The following TCF4 variants were observed in gnomAD, a reference collection of about 807,000 sequenced individuals.
The protein encoded by TCF4 is transcription factor 4.
In TCF4, 3 loss-of-function variants were observed where a neutral mutation model predicts 82.1. The observed-to-expected ratio is 0.04, with a 90% confidence interval of 0.02 to 0.09. The LOEUF is 0.09. Ranked by LOEUF, TCF4 falls within the 10% of genes least tolerant of loss-of-function variation. The probability of loss-of-function intolerance (pLI) is 1.00; values close to 1 mark genes in which losing one functional copy is unlikely to be tolerated. For synonymous variants in TCF4, 276 were observed against 309.6 expected (o/e 0.89, Z 1.14); for missense variants, 518 against 852.7 (o/e 0.61, Z 4.89).
At chr18:55,382,605 T>C (rs2092091497) in intron 6 of TCF4, among the ~76,000 whole-genome samples, 1 of 152,190 alleles carries the variant, frequency 6.6e-6, no homozygotes, top group Non-Finnish European at 1.5e-5. Flanking sequence ...AGGTGAGTCA[T>C]GTGTTTCACC....
chr18:55,630,794 G>A (rs2097730816), intron 2 of TCF4, among the ~76,000 whole-genome samples: 2 of 152,178 alleles, frequency 1.3e-5, no homozygotes, highest in Non-Finnish European at 2.9e-5. Context: ...TGATGGCAAG[G>A]AAGGCTTCTT....
At chr18:55,560,344 T>C (rs928353343) in intron 3 of TCF4, among the ~76,000 whole-genome samples, 1 of 152,252 alleles carries the variant, frequency 6.6e-6, no homozygotes, top group Admixed American at 6.5e-5. Context: ...TTCATAATTC[T>C]AATAAGGGTA....
chr18:55,227,840 CTTTT>C lies in TCF4; in HGVS notation c.*191_*194del, dbSNP rs201242245. On this transcript the variant is annotated 3_prime_UTR_variant, in exon 20 of 20. Coordinates refer to ENST00000354452, the MANE Select transcript of TCF4 (RefSeq NM_001083962.2). The stretch of plus-strand genomic sequence containing the variant: ...TCCCTCAAGTTGCACTTTTTTCTTT[CTTTT>C]TTTTGTTTTTCTGTTTTTTGATAAT... 4.2e-6 allele frequency: 1 copy of C among 236,660 alleles called. No homozygotes were observed. The highest frequency in any genetic ancestry group is 8.4e-6 in the Non-Finnish European group (1 of 119,584). 14.7% of individuals were successfully genotyped at this position (236,660 alleles called of 1,614,324 possible).
intron 8 of TCF4, chr18:55,302,673 G>A: frequency 7.0e-7 from 1 of 1,428,984 alleles, no homozygotes; most frequent in Non-Finnish European, 9.3e-7. Context: ...CCTAGGGGTG[G>A]GAGGGCCTAG....
chr18:55,586,797 G>A lies in TCF4; in HGVS notation c.72+248C>T, dbSNP rs75754713. ...CCACTGGGGTGAGATTCCATTATTT[G>A]GGGTAATCAGTGGGTAGGGAATTGA... On this transcript the variant is annotated intron_variant, in intron 2 of 19. Coordinates refer to ENST00000354452, the MANE Select transcript of TCF4 (RefSeq NM_001083962.2). 18,380 of 468,280 alleles carry A rather than the reference G, an allele frequency of 0.039. 491 individuals are homozygous for A. Among genetic ancestry groups the A allele is most frequent in the Non-Finnish European group, 0.057 (14,602 of 255,918 alleles). 29.0% of individuals were successfully genotyped at this position (468,280 alleles called of 1,614,324 possible). A position where few individuals can be genotyped will look rare whatever the true frequency, so the allele number is the denominator to read the frequency against.
At chr18:55,309,567 T>C (rs1002337367) in intron 8 of TCF4, among the ~76,000 whole-genome samples, 3 of 152,206 alleles carry the variant, frequency 2.0e-5, no homozygotes, top group Non-Finnish European at 4.4e-5. Context: ...GTTGAGAAAA[T>C]GTCTGAAAGA....
In TCF4 at chr18:55,349,555, A is replaced by G. The variant is rs1180872290; in HGVS notation, c.549+804T>C. On this transcript the variant is annotated intron_variant, in intron 8 of 19. Coordinates refer to ENST00000354452, the MANE Select transcript of TCF4 (RefSeq NM_001083962.2). ...TTATATCACAGCAAGGAAGAATGAAAAAAAGGAGGAAGGATAAAGAAACAA... is the reference window on the plus strand; with the variant it reads ...TTATATCACAGCAAGGAAGAATGAAGAAAAGGAGGAAGGATAAAGAAACAA... Among the ~76,000 whole-genome samples the G allele has an allele frequency of 3.9e-5, 6 of 152,278 alleles. No individual in the cohort carries two copies. The South Asian group carries it at 6.2e-4, about 16-fold the overall frequency.
chr18:55,402,989 A>G (rs1477846620), intron 6 of TCF4, among the ~76,000 whole-genome samples: 2 of 152,184 alleles, frequency 1.3e-5, no homozygotes, highest in Non-Finnish European at 2.9e-5. Context: ...ATTTTCACAG[A>G]CATTTTTATC....
chr18:55,414,267 C>T (rs1355888038), intron 5 of TCF4, among the ~76,000 whole-genome samples: 1 of 151,010 alleles, frequency 6.6e-6, no homozygotes, highest in Admixed American at 6.6e-5. Flanking sequence ...TTATCCAAAA[C>T]AAATTTTAAG....
intron 5 of TCF4, among the ~76,000 whole-genome samples, chr18:55,443,794 C>G (rs763211725): frequency 6.6e-6 from 1 of 152,158 alleles, no homozygotes; most frequent in Non-Finnish European, 1.5e-5. Flanking sequence ...TCCACAATCA[C>G]AAAAATAGCG....
chr18:55,505,803 C>CA (rs35471663), intron 3 of TCF4, among the ~76,000 whole-genome samples: 251 of 82,806 alleles, frequency 3.0e-3, no homozygotes, highest in Middle Eastern at 6.4e-3. Context: ...GACTCCGTCT[C>CA]AAAAAAAAAA....
chr18:55,450,888 A>C (rs528032981), intron 5 of TCF4, among the ~76,000 whole-genome samples: 4 of 152,204 alleles, frequency 2.6e-5, no homozygotes, highest in Non-Finnish European at 5.9e-5. Context: ...CACCACTCAA[A>C]CACCACACCA....
chr18:55,550,427 G>A (rs1433616700), intron 3 of TCF4: 1 of 152,048 alleles, frequency 6.6e-6, no homozygotes, highest in Non-Finnish European at 1.5e-5. Context: ...TGCCAACAAT[G>A]CGTTCCTCCA....
At chr18:55,407,756 T>C (rs1230127989) in intron 5 of TCF4, among the ~76,000 whole-genome samples, 1 of 152,154 alleles carries the variant, frequency 6.6e-6, no homozygotes, top group Non-Finnish European at 1.5e-5. Context: ...GAGGGTGATA[T>C]GGTTAACAAA....
chr18:55,320,316 A>T (rs1388352142), intron 8 of TCF4, among the ~76,000 whole-genome samples: 1 of 152,232 alleles, frequency 6.6e-6, no homozygotes, highest in African/African-American at 2.4e-5. Context: ...AACTATTTTA[A>T]TTACACCGTG....
At chr18:55,236,366 C>T (rs2049394258) in intron 15 of TCF4, among the ~76,000 whole-genome samples, 2 of 152,062 alleles carry the variant, frequency 1.3e-5, no homozygotes, top group South Asian at 4.2e-4. Context: ...GAAGCCCATT[C>T]CATTTTTACC....
intron 3 of TCF4, among the ~76,000 whole-genome samples, chr18:55,576,001 A>G (rs1358537041): frequency 6.6e-6 from 1 of 152,228 alleles, no homozygotes; most frequent in Admixed American, 6.5e-5. Context: ...TGGTGATGCC[A>G]GTGATGATAA....
Position 55,588,181 on chromosome 18 carries a change from C to A in TCF4, c.-164G>T. 8.6e-7 allele frequency: 1 copy of A among 1,167,184 alleles called. No homozygotes were observed. Among genetic ancestry groups the A allele is most frequent in the Non-Finnish European group, 1.1e-6 (1 of 951,060 alleles). 72.3% of individuals were successfully genotyped at this position (1,167,184 alleles called of 1,614,324 possible). On this transcript the variant is annotated 5_prime_UTR_variant, in exon 1 of 20. Transcript: ENST00000354452. ...CCCGCCGCCGCCGCCGCCGCCGCCA[C>A]TACAGATCCGCAGACACACAGCCAA... is the stretch of plus-strand genomic sequence containing the variant.
At chr18:55,473,913 C>A (rs760468234) in intron 3 of TCF4, among the ~76,000 whole-genome samples, 22 of 152,160 alleles carry the variant, frequency 1.4e-4, no homozygotes, top group Non-Finnish European at 2.6e-4. Context: ...AGCTTTAATA[C>A]TGCCCTATAA....
Sources: allele counts gnomAD v4.1 joint callset (sites outside exome capture counted in the v4.1 genomes callset), GRCh38; gene constraint gnomAD v4.1.1; transcripts MANE v1.5; gene names NCBI Gene and HGNC (gene_info 2026-07-23, HGNC 2026-07-21).